OSBPL3: variants seen among roughly 807,000 people sequenced by gnomAD.
OSBPL3 encodes oxysterol binding protein like 3, also known as oxysterol-binding protein-related protein 3.
Under a neutral mutation model 120.1 loss-of-function variants are expected in OSBPL3, and 65 were observed. The observed-to-expected ratio is 0.54, with a 90% CI of 0.44 to 0.67. The LOEUF is 0.67. OSBPL3 is among the 30% of genes least tolerant of loss of function. OSBPL3 has a pLI of 0.00. For synonymous variants in OSBPL3, 416 were observed against 402.6 expected, an observed-to-expected ratio of 1.03 and a Z score of -0.40; for missense variants, 1,004 against 1,082.1, an observed-to-expected ratio of 0.93 and a Z score of 1.01.
Position 24,974,032 on chromosome 7 carries a change from G to A in OSBPL3, c.-150+5854C>T, listed in dbSNP as rs1430201561. Among the ~76,000 whole-genome samples the A allele has an allele frequency of 5.9e-5, 9 of 152,214 alleles. No individual in the cohort carries two copies. In the East Asian group the frequency reaches 1.7e-3, roughly 29 times the overall value. ...ATTCAAAATATTATCATTTCAACACGTGATGTTTAAAAATTGAGGTATTTT... is the reference window on the plus strand; with the variant it reads ...ATTCAAAATATTATCATTTCAACACATGATGTTTAAAAATTGAGGTATTTT... On this transcript the variant is annotated intron_variant, in intron 1 of 22. Transcript: ENST00000313367.
At chr7:24,961,341 T>A (rs2522244) in intron 1 of OSBPL3, among the ~76,000 whole-genome samples, 32,165 of 152,004 alleles carry the variant, frequency 0.21, 4,440 homozygotes, top group East Asian at 0.63. Context: ...TCTAGCCACA[T>A]CTAGTTGAAA....
rs913315137 is a variant in OSBPL3 at position 24,968,530 on chromosome 7, G to A, written c.-150+11356C>T. 6.6e-5 allele frequency among the ~76,000 whole-genome samples: 10 copies of A among 152,118 alleles called. No homozygotes were observed. Among genetic ancestry groups the A allele is most frequent in the Non-Finnish European group, 8.8e-5 (6 of 68,004 alleles). On this transcript the variant is annotated intron_variant, in intron 1 of 22. Coordinates refer to ENST00000313367, the MANE Select transcript of OSBPL3 (RefSeq NM_015550.4). This position sits in a 1 kb window ranked among gnomAD's most constrained non-coding sequence, Gnocchi z 4.6. ...TCCTGCCTCCACCTCCTGCGTAGCC[G>A]GGATTACAGGCACACACCACCACGC...
intron 1 of OSBPL3, among the ~76,000 whole-genome samples, chr7:24,923,769 A>T (rs1810705063): frequency 6.6e-6 from 1 of 151,992 alleles, no homozygotes; most frequent in Non-Finnish European, 1.5e-5. Flanking sequence ...GAGAAGAGAG[A>T]TCTTCATGGG....
At position 24,932,402 on chromosome 7, in the gene OSBPL3, T is replaced by C. The variant is rs1045465063; in HGVS notation, c.-149-39781A>G. ...ACACAAACCAGGATCATAAACATCCTAGAGAAAATGAAAGGGAAAAGGGGG... is the reference window on the plus strand; with the variant it reads ...ACACAAACCAGGATCATAAACATCCCAGAGAAAATGAAAGGGAAAAGGGGG... On this transcript the variant is annotated intron_variant, in intron 1 of 22. Transcript: ENST00000313367. The surrounding 1 kb of genome is among the most constrained non-coding windows in gnomAD (Gnocchi z 5.6). Among the ~76,000 whole-genome samples, 1 of 152,096 alleles carries C rather than the reference T, an allele frequency of 6.6e-6. No individual in the cohort carries two copies.
Position 24,932,666 on chromosome 7 carries a change from C to A in OSBPL3, c.-149-40045G>T, listed in dbSNP as rs1182274380. ...ACCAAAAAACGAGCCTCCCAAGACA[C>A]CAAATCCAATAGTACTTCGATCTTG... On this transcript the variant is annotated intron_variant, in intron 1 of 22. Transcript: ENST00000313367. The surrounding 1 kb of genome is among the most constrained non-coding windows in gnomAD (Gnocchi z 5.6). Among the ~76,000 whole-genome samples, 1 of 152,158 alleles carries A rather than the reference C, an allele frequency of 6.6e-6. No individual in the cohort carries two copies. Among genetic ancestry groups the A allele is most frequent in the African/African-American group, 2.4e-5 (1 of 41,430 alleles).
chr7:24,890,449 C>T lies in OSBPL3; in HGVS notation c.96+1928G>A, dbSNP rs940399992. ...TGCAGCACCTTTAAAGACTGAAGCA[C>T]AATCTTGGGCCAGTTTGTGAAGGCA... On this transcript the variant is annotated intron_variant, in intron 2 of 22. Transcript: ENST00000313367. Among the ~76,000 whole-genome samples, 12 of 152,214 alleles carry T rather than the reference C, an allele frequency of 7.9e-5. No homozygotes were observed. In the South Asian group the frequency reaches 8.3e-4, roughly 11 times the overall value.
rs1796192150 is a variant in OSBPL3, at chr7:24,830,159, G to A, written c.1884+609C>T. 6.6e-6 allele frequency among the ~76,000 whole-genome samples: 1 copy of A among 152,202 alleles called. No individual in the cohort carries two copies. The highest frequency in any genetic ancestry group is 2.4e-5 in the African/African-American group (1 of 41,452). On this transcript the variant is annotated intron_variant, in intron 16 of 22. Transcript: ENST00000313367. This position sits in a 1 kb window ranked among gnomAD's most constrained non-coding sequence, Gnocchi z 4.4. ...TCTATGCTACTTCTATGGCAAGAGTGTGATGGAACCTTAGGCTGCATGAGT... is the reference window on the plus strand; with the variant it reads ...TCTATGCTACTTCTATGGCAAGAGTATGATGGAACCTTAGGCTGCATGAGT...
At chr7:24,897,322 T>TC (rs1350777410) in intron 1 of OSBPL3, among the ~76,000 whole-genome samples, 1 of 96,526 alleles carries the variant, frequency 1.0e-5, no homozygotes, top group African/African-American at 5.8e-5. Flanking sequence ...GGCAGAATCT[T>TC]TTTTTTTTTT....
At chr7:24,963,785 T>G in intron 1 of OSBPL3, among the ~76,000 whole-genome samples, 1 of 152,214 alleles carries the variant, frequency 6.6e-6, no homozygotes, top group Non-Finnish European at 1.5e-5. Context: ...GGAAACAGAT[T>G]AGTGTTTTTC....
Position 24,835,740 on chromosome 7 carries a change from A to T in OSBPL3, c.1496-1004T>A, listed in dbSNP as rs1429222102. On this transcript the variant is annotated intron_variant, in intron 14 of 22. Transcript: ENST00000313367. This position sits in a 1 kb window ranked among gnomAD's most constrained non-coding sequence, Gnocchi z 4.8. ...ATGGAATACTGTGCAGCCATAAAAA[A>T]GAATGGGATCATAGCCTTTGCAGCA... is the stretch of plus-strand genomic sequence containing the variant. Among the ~76,000 whole-genome samples the T allele has an allele frequency of 6.6e-6, 1 of 152,254 alleles. No individual in the cohort carries two copies. The highest frequency in any genetic ancestry group is 1.5e-5 in the Non-Finnish European group (1 of 68,044).
At position 24,849,146 on chromosome 7, in the gene OSBPL3, G is replaced by C; in HGVS notation, c.1189C>G (p.Arg397Gly). Residue 397 changes from arginine (R) to glycine (G), a missense_variant, in exon 12 of 23, where the codon CGC becomes GGC. Physicochemically the swap from Arg to Gly is moderately radical, Grantham distance 125. Transcript: ENST00000313367. The surrounding 1 kb of genome is among the most constrained non-coding windows in gnomAD (Gnocchi z 5.4). ...ALAQNTDLKE[R>G]LRRIHAESLL... The stretch of plus-strand genomic sequence containing the variant: ...GACTCGGCATGGATTCTGCGTAAGC[G>C]TTCTTTAAGATCTGTGTTTTGTGCT... 1 of 1,613,876 alleles carries C rather than the reference G, an allele frequency of 6.2e-7. No individual in the cohort carries two copies. The highest frequency in any genetic ancestry group is 8.5e-7 in the Non-Finnish European group (1 of 1,179,816).
At chr7:24,843,375 G>T (rs1377633778) in intron 12 of OSBPL3, among the ~76,000 whole-genome samples, 1 of 152,188 alleles carries the variant, frequency 6.6e-6, no homozygotes, top group Admixed American at 6.5e-5. Context: ...CTTTCAATCA[G>T]AGTAGACAGG....
chr7:24,839,817 C>G (rs575516718), intron 14 of OSBPL3, among the ~76,000 whole-genome samples: 3 of 151,462 alleles, frequency 2.0e-5, no homozygotes, highest in African/African-American at 7.3e-5. Context: ...GGTGAAACCT[C>G]GTCTCCACCG....
At chr7:24,882,508 A>G (rs1355900331) in intron 2 of OSBPL3, among the ~76,000 whole-genome samples, 2 of 152,238 alleles carry the variant, frequency 1.3e-5, no homozygotes, top group Non-Finnish European at 2.9e-5. Flanking sequence ...ATTGGTGGAA[A>G]CAGGTTAATT....
rs1293251218 is a variant in OSBPL3 at position 24,873,134 on chromosome 7, G to C, written c.97-1065C>G. 1.3e-5 allele frequency among the ~76,000 whole-genome samples: 2 copies of C among 152,192 alleles called. No individual in the cohort carries two copies. The highest frequency in any genetic ancestry group is 4.8e-5 in the African/African-American group (2 of 41,440). On this transcript the variant is annotated intron_variant, in intron 2 of 22. Transcript: ENST00000313367. The surrounding 1 kb of genome is among the most constrained non-coding windows in gnomAD (Gnocchi z 4.1). ...TGACACTTCAGCCAAGATTTCACCT[G>C]GACTAACTTGCTTTGAGTCAAATCT...
intron 10 of OSBPL3, among the ~76,000 whole-genome samples, chr7:24,857,201 C>T (rs1198301582): frequency 6.6e-6 from 1 of 152,202 alleles, no homozygotes; most frequent in Non-Finnish European, 1.5e-5. Context: ...TAGGTAAATA[C>T]AGTTTTGACT....
In OSBPL3 at chr7:24,849,472, T is replaced by C. The variant is rs1314670686; in HGVS notation, c.1159-296A>G. The C allele has an allele frequency of 4.6e-6, 1 of 219,724 alleles. No individual in the cohort carries two copies. The highest frequency in any genetic ancestry group is 1.2e-4 in the East Asian group (1 of 8,090). 13.6% of individuals were successfully genotyped at this position (219,724 alleles called of 1,614,324 possible). On this transcript the variant is annotated intron_variant, in intron 11 of 22. Transcript: ENST00000313367. This position sits in a 1 kb window ranked among gnomAD's most constrained non-coding sequence, Gnocchi z 5.4. ...GAGGGAAGTCACAGACACTGTCGGC[T>C]TCTGTTAAGACCAGTGGTTCCACAG...
rs1007910062 is a variant in OSBPL3, at chr7:24,798,282, G to A, written c.*1901C>T. On this transcript the variant is annotated 3_prime_UTR_variant, in exon 23 of 23. Transcript: ENST00000313367. This position sits in a 1 kb window ranked among gnomAD's most constrained non-coding sequence, Gnocchi z 4.6. ...TGTTTTCGTTGCTTCTTTCTTTTTT[G>A]AGCCAGTCTCTGGAGCAGGCCAATT... 1 of 152,088 alleles carries A rather than the reference G, an allele frequency of 6.6e-6. No homozygotes were observed. The highest frequency in any genetic ancestry group is 2.4e-5 in the African/African-American group (1 of 41,402). 9.4% of individuals were successfully genotyped at this position (152,088 alleles called of 1,614,324 possible). A position where few individuals can be genotyped will look rare whatever the true frequency, so the allele number is the denominator to read the frequency against.
At chr7:24,814,666 G>A (rs1253357801) in intron 19 of OSBPL3, among the ~76,000 whole-genome samples, 1 of 152,030 alleles carries the variant, frequency 6.6e-6, no homozygotes, top group African/African-American at 2.4e-5. Context: ...GCAGCCCCGG[G>A]CGACCACCAT....
Sources: gnomAD v4.1 joint callset for allele counts (sites outside exome capture counted in the v4.1 genomes callset) on GRCh38, gnomAD v4.1.1 for gene constraint, Gnocchi (gnomAD v3.1) non-coding constraint, MANE v1.5 for transcripts, NCBI Gene and HGNC (gene_info 2026-07-23, HGNC 2026-07-21) for gene names.